NXPH1: variants seen among roughly 807,000 people sequenced by gnomAD.
NXPH1 encodes neurexophilin 1, also known as neurexophilin-1.
In NXPH1, 5 loss-of-function variants were observed where a neutral mutation model predicts 23.7. The ratio of observed to expected loss-of-function variants is 0.21; its 90% CI spans 0.11 to 0.44. NXPH1 has a LOEUF of 0.44. Among genes scored for constraint, NXPH1 ranks in the 20% least tolerant of loss-of-function variants. The pLI, the probability that NXPH1 is intolerant of heterozygous loss-of-function variation, is 0.99. For missense variants in NXPH1, 324 were observed against 321.6 expected (o/e 1.01, Z -0.06); for synonymous variants, 144 against 122.2 (o/e 1.18, Z -1.18).
intron 2 of NXPH1, among the ~76,000 whole-genome samples, chr7:8,536,874 T>C (rs1300921099): frequency 2.0e-5 from 3 of 151,938 alleles, no homozygotes; most frequent in African/African-American, 4.8e-5. Context: ...TGTCTGCTGA[T>C]TTCTGGTATG....
intron 2 of NXPH1, among the ~76,000 whole-genome samples, chr7:8,719,330 C>G (rs1431649757): frequency 6.6e-6 from 1 of 152,064 alleles, no homozygotes; most frequent in Non-Finnish European, 1.5e-5. Context: ...GATGATGGCT[C>G]CAGGCCAGCA....
intron 2 of NXPH1, among the ~76,000 whole-genome samples, chr7:8,528,957 A>T (rs955141471): frequency 1.3e-5 from 2 of 152,374 alleles, no homozygotes; most frequent in East Asian, 3.9e-4. Flanking sequence ...ACCAGACTCA[A>T]TCAAGGTATC....
chr7:8,441,766 C>T (rs927369726), intron 2 of NXPH1, among the ~76,000 whole-genome samples: 1 of 152,188 alleles, frequency 6.6e-6, no homozygotes, highest in Non-Finnish European at 1.5e-5. Flanking sequence ...AGCGCGTTTG[C>T]GCATTTTCCA....
intron 2 of NXPH1, among the ~76,000 whole-genome samples, chr7:8,525,899 A>C (rs1308166893): frequency 1.3e-5 from 2 of 152,218 alleles, no homozygotes; most frequent in Non-Finnish European, 2.9e-5. Flanking sequence ...GTAGTGCATA[A>C]GAGAAATGTG....
intron 2 of NXPH1, among the ~76,000 whole-genome samples, chr7:8,745,481 T>A (rs970564185): frequency 1.4e-4 from 22 of 152,012 alleles, no homozygotes; most frequent in African/African-American, 5.3e-4. Flanking sequence ...TCTATGAATG[T>A]AAAATTTTAG....
chr7:8,570,567 TG>T (rs1584239504), intron 2 of NXPH1, among the ~76,000 whole-genome samples: 2 of 151,972 alleles, frequency 1.3e-5, no homozygotes, highest in Admixed American at 1.3e-4. Flanking sequence ...ATAATCATAT[TG>T]GGTGTTGGGG....
chr7:8,499,364 G>C (rs1318273749), intron 2 of NXPH1, among the ~76,000 whole-genome samples: 1 of 152,018 alleles, frequency 6.6e-6, no homozygotes, highest in Non-Finnish European at 1.5e-5. Flanking sequence ...AGTGCTCCAA[G>C]ACTACTTTCA....
rs1448044298 is a variant in NXPH1 at position 8,507,286 on chromosome 7, G to A, written c.54+71519G>A. Among the ~76,000 whole-genome samples, 6 of 151,808 alleles carry A rather than the reference G, an allele frequency of 4.0e-5. 1 individual carries two copies. The highest frequency in any genetic ancestry group is 1.5e-4 in the African/African-American group (6 of 41,210). ...AATACATTAGGGCATGGAACACAAA[G>A]ATGAAGAATTTGAAGGTGAAGGGGT... is the stretch of plus-strand genomic sequence containing the variant. On this transcript the variant is annotated intron_variant, in intron 2 of 2. Coordinates refer to ENST00000405863, the MANE Select transcript of NXPH1 (RefSeq NM_152745.3).
intron 2 of NXPH1, among the ~76,000 whole-genome samples, chr7:8,499,566 T>C (rs2128612311): frequency 6.6e-6 from 1 of 152,054 alleles, no homozygotes; most frequent in African/African-American, 2.4e-5. Context: ...AGTGCAAAAA[T>C]AAGGGTACAA....
intron 2 of NXPH1, among the ~76,000 whole-genome samples, chr7:8,689,278 T>A (rs1821192076): frequency 6.6e-6 from 1 of 150,834 alleles, no homozygotes. Flanking sequence ...GTAAAGTAGG[T>A]GTGCTTTCTA....
rs1258228096 is a variant in NXPH1, at chr7:8,461,831, C to T, written c.54+26064C>T. Among the ~76,000 whole-genome samples the T allele has an allele frequency of 2.2e-4, 7 of 31,778 alleles. No homozygotes were observed. In the African/African-American group the frequency reaches 3.1e-3, roughly 14 times the overall value. 20.8% of individuals were successfully genotyped at this position (31,778 alleles called of 152,430 possible). On this transcript the variant is annotated intron_variant, in intron 2 of 2. Coordinates refer to ENST00000405863, the MANE Select transcript of NXPH1 (RefSeq NM_152745.3). ...CGGCCTGGGCGACAGAGCGAGACTC[C>T]GTCTCAAAAAAAAAAAAAAAGAATA... is the stretch of plus-strand genomic sequence containing the variant.
intron 2 of NXPH1, among the ~76,000 whole-genome samples, chr7:8,565,432 T>A (rs1173205972): frequency 6.6e-6 from 1 of 151,790 alleles, no homozygotes; most frequent in Non-Finnish European, 1.5e-5. Flanking sequence ...GATTTGTTGC[T>A]TAAATCTGAT....
In NXPH1 at chr7:8,656,413, GTGT is replaced by G. The variant is rs1205968974; in HGVS notation, c.55-94590_55-94588del. Reference sequence around the variant, plus strand: ...TTACTTCTATTAGACTGGGAGCAAGGTGTTGTTATCCCCATTACAGAGAAGAGG... The same window carrying G: ...TTACTTCTATTAGACTGGGAGCAAGGTGTTATCCCCATTACAGAGAAGAGG... On this transcript the variant is annotated intron_variant, in intron 2 of 2. Coordinates refer to ENST00000405863, the MANE Select transcript of NXPH1 (RefSeq NM_152745.3). Among the ~76,000 whole-genome samples the G allele has an allele frequency of 2.6e-5, 4 of 151,676 alleles. 1 individual carries two copies. Among genetic ancestry groups the G allele is most frequent in the South Asian group, 4.2e-4 (2 of 4,792 alleles).
chr7:8,458,784 T>C lies in NXPH1; in HGVS notation c.54+23017T>C, dbSNP rs185709831. Reference sequence around the variant, plus strand: ...AGATAGAGGGAGAAAGAGAGAAAAGTAGGGTTTACCATAACTTCATAGAGT... The same window carrying C: ...AGATAGAGGGAGAAAGAGAGAAAAGCAGGGTTTACCATAACTTCATAGAGT... On this transcript the variant is annotated intron_variant, in intron 2 of 2. Transcript: ENST00000405863. Among the ~76,000 whole-genome samples, 12 of 152,312 alleles carry C rather than the reference T, an allele frequency of 7.9e-5. No homozygotes were observed. The East Asian group carries it at 1.9e-3, about 24-fold the overall frequency.
At chr7:8,651,138 A>G (rs1198606271) in intron 2 of NXPH1, among the ~76,000 whole-genome samples, 15 of 148,206 alleles carry the variant, frequency 1.0e-4, no homozygotes, top group Admixed American at 9.5e-4. Flanking sequence ...CCACCCCACA[A>G]CAGTCCCCAG....
intron 2 of NXPH1, among the ~76,000 whole-genome samples, chr7:8,706,094 G>T (rs1187870579): frequency 1.3e-5 from 2 of 152,150 alleles, no homozygotes; most frequent in Non-Finnish European, 2.9e-5. Context: ...CCTTATAGGA[G>T]AATTAGGGTT....
chr7:8,485,446 C>T (rs193111555), intron 2 of NXPH1, among the ~76,000 whole-genome samples: 420 of 152,220 alleles, frequency 2.8e-3, no homozygotes, highest in Non-Finnish European at 4.1e-3. Flanking sequence ...GTCAACACAT[C>T]CTCCAGAGGG....
chr7:8,627,965 A>G (rs1389858208), intron 2 of NXPH1, among the ~76,000 whole-genome samples: 1 of 152,146 alleles, frequency 6.6e-6, no homozygotes, highest in Non-Finnish European at 1.5e-5. Context: ...TATTACAAAA[A>G]GAGAAGGACA....
chr7:8,725,050 G>A (rs1780027788), intron 2 of NXPH1, among the ~76,000 whole-genome samples: 1 of 152,222 alleles, frequency 6.6e-6, no homozygotes, highest in Non-Finnish European at 1.5e-5. Context: ...AATCTTGCAA[G>A]GGAGAAACAG....
Sources: allele counts gnomAD v4.1 joint callset (sites outside exome capture counted in the v4.1 genomes callset), GRCh38; gene constraint gnomAD v4.1.1; transcripts MANE v1.5; gene names NCBI Gene and HGNC (gene_info 2026-07-23, HGNC 2026-07-21).